GRIN3A: variants seen among roughly 807,000 people sequenced by gnomAD.
GRIN3A encodes the protein glutamate receptor ionotropic, NMDA 3A.
A neutral mutation model predicts 92.4 loss-of-function variants in GRIN3A; 47 were observed. That is an observed-to-expected ratio of 0.51 (90% CI 0.40 to 0.65). The LOEUF (loss-of-function observed/expected upper bound fraction) is 0.65. GRIN3A is among the 30% of genes least tolerant of loss of function. The pLI, the probability that GRIN3A is intolerant of heterozygous loss-of-function variation, is 0.00. For missense variants in GRIN3A, 1,324 were observed against 1,393.1 expected, an observed-to-expected ratio of 0.95 and a Z score of 0.79; for synonymous variants, 527 against 540.6, an observed-to-expected ratio of 0.97 and a Z score of 0.35.
At chr9:101,577,028 C>T (rs1827835019) in intron 8 of GRIN3A, among the ~76,000 whole-genome samples, 1 of 152,178 alleles carries the variant, frequency 6.6e-6, no homozygotes, top group Non-Finnish European at 1.5e-5. Flanking sequence ...GTGCTTCTGA[C>T]ATCTTTAGTC....
At chr9:101,727,501 A>G (rs1437804002) in intron 1 of GRIN3A, among the ~76,000 whole-genome samples, 1 of 152,188 alleles carries the variant, frequency 6.6e-6, no homozygotes, top group Admixed American at 6.5e-5. Flanking sequence ...CTTATGAATG[A>G]AAGTGACAGC....
At position 101,594,564 on chromosome 9, in the gene GRIN3A, C is replaced by T. The variant is rs536109611; in HGVS notation, c.2767-15204G>A. The T allele has an allele frequency of 6.2e-7, 1 of 1,614,152 alleles. No homozygotes were observed. Among genetic ancestry groups the T allele is most frequent in the East Asian group, 2.2e-5 (1 of 44,872 alleles). ...TGCCAGTCCGTCAGGTTGTTGCCCA[C>T]CATCATCTTCAGCACCTGGAAGAGC... On this transcript the variant is annotated intron_variant, in intron 6 of 8. Transcript: ENST00000361820.
chr9:101,633,234 G>T (rs983024760), intron 3 of GRIN3A, among the ~76,000 whole-genome samples: 7 of 152,220 alleles, frequency 4.6e-5, no homozygotes, highest in African/African-American at 1.7e-4. Context: ...ACCCATCTGA[G>T]ATTAGTACTT....
intron 6 of GRIN3A, chr9:101,594,571 C>A: frequency 6.2e-7 from 1 of 1,614,214 alleles, no homozygotes; most frequent in Non-Finnish European, 8.5e-7. Flanking sequence ...CCACCATCAT[C>A]TTCAGCACCT....
At position 101,737,735 on chromosome 9, in the gene GRIN3A, T is replaced by C; in HGVS notation, c.245A>G (p.Glu82Gly). 2.0e-6 allele frequency: 3 copies of C among 1,527,420 alleles called. No homozygotes were observed. Among genetic ancestry groups the C allele is most frequent in the Non-Finnish European group, 2.6e-6 (3 of 1,143,274 alleles). The allele number at this position is 1,527,420 out of a possible 1,614,324, so 94.6% of individuals were successfully genotyped here. ...CGCCGGGGACCGCCTAGTCCCTGGC[T>C]CCGGCTCATCCCTCTGGGCTCCTGC... ...SRAGAQRDEP[E>G]PGTRRSPAPS... Residue 82 changes from glutamate to glycine, a missense_variant, in exon 1 of 9, where the codon GAG (glutamate) becomes GGG (glycine). Physicochemically the swap from Glu to Gly is moderately conservative, Grantham distance 98. Coordinates refer to ENST00000361820, the MANE Select transcript of GRIN3A (RefSeq NM_133445.3).
At chr9:101,623,808 C>A (rs925874280) in intron 4 of GRIN3A, among the ~76,000 whole-genome samples, 2 of 152,114 alleles carry the variant, frequency 1.3e-5, no homozygotes, top group African/African-American at 4.8e-5. Context: ...TTCTCTATAC[C>A]TTTTATCACT....
chr9:101,684,270 ATTTTTTT>A (rs3082771), intron 2 of GRIN3A, among the ~76,000 whole-genome samples: 964 of 87,110 alleles, frequency 0.011, 18 homozygotes, highest in African/African-American at 0.044. Context: ...TGCTTAGCTA[ATTTTTTT>A]TTTTTTTTTT....
chr9:101,620,272 G>A (rs1414774044), intron 5 of GRIN3A, among the ~76,000 whole-genome samples: 2 of 152,220 alleles, frequency 1.3e-5, no homozygotes, highest in Non-Finnish European at 2.9e-5. Context: ...ATGGTGCCAT[G>A]TAGCTAGGTC....
chr9:101,671,040 T>G lies in GRIN3A; in HGVS notation c.1372A>C (p.Ser458Arg). 6.2e-7 allele frequency: 1 copy of G among 1,613,966 alleles called. No homozygotes were observed. The highest frequency in any genetic ancestry group is 8.5e-7 in the Non-Finnish European group (1 of 1,179,882). Residue 458 changes from serine (S) to arginine (R), a missense_variant, in exon 3 of 9, where the codon AGC becomes CGC. By Grantham distance (110) the Ser-to-Arg change is moderately radical (BLOSUM62 -1). Transcript: ENST00000361820. ...CAGATGAAAAAGTTGTTTTCTGAGC[T>G]GACGATGGTGGAACCTTTTACTCTG... is the stretch of plus-strand genomic sequence containing the variant. ...SIRVKGSTIV[S>R]SENNFFIWNL...
At chr9:101,598,219 T>A (rs1828165069) in intron 6 of GRIN3A, among the ~76,000 whole-genome samples, 1 of 152,208 alleles carries the variant, frequency 6.6e-6, no homozygotes, top group Admixed American at 6.5e-5. Flanking sequence ...ATGAATGAGT[T>A]GTTTTACACT....
At chr9:101,592,522 A>G (rs900095441) in intron 6 of GRIN3A, 3 of 152,198 alleles carry the variant, frequency 2.0e-5, no homozygotes, top group East Asian at 1.9e-4. Context: ...AGTGAGTGTG[A>G]TAACAACCCA....
chr9:101,683,210 CAT>C (rs1268859705), intron 2 of GRIN3A, among the ~76,000 whole-genome samples: 4 of 152,092 alleles, frequency 2.6e-5, no homozygotes, highest in South Asian at 2.1e-4. Flanking sequence ...CTGAAAATGC[CAT>C]GTTTTTGGTG....
In GRIN3A at chr9:101,687,251, T is replaced by A. The variant is rs556419174; in HGVS notation, c.700-51A>T. On this transcript the variant is annotated intron_variant, in intron 1 of 8. Transcript: ENST00000361820. ...GAATTAGAAAGCATTGGCCAAAGACTTTAACATAGGGTACTTTTGCTTTCT... is the reference window on the plus strand; with the variant it reads ...GAATTAGAAAGCATTGGCCAAAGACATTAACATAGGGTACTTTTGCTTTCT... 6.3e-6 allele frequency: 10 copies of A among 1,589,394 alleles called. No individual in the cohort carries two copies. The Admixed American group carries it at 1.7e-4, about 26-fold the overall frequency.
At chr9:101,585,762 C>T (rs1056611269) in intron 6 of GRIN3A, among the ~76,000 whole-genome samples, 1 of 152,196 alleles carries the variant, frequency 6.6e-6, no homozygotes, top group East Asian at 1.9e-4. Context: ...ATTGAGACAG[C>T]CTCCTAGTTG....
chr9:101,578,087 A>G (rs1313755782), intron 7 of GRIN3A, among the ~76,000 whole-genome samples: 1 of 152,224 alleles, frequency 6.6e-6, no homozygotes, highest in Non-Finnish European at 1.5e-5. Flanking sequence ...AAAGCTCAGT[A>G]TTATAAAACG....
intron 6 of GRIN3A, chr9:101,594,825 C>G: frequency 6.2e-7 from 1 of 1,610,894 alleles, no homozygotes; most frequent in Non-Finnish European, 8.5e-7. Context: ...CCTGATTTGT[C>G]CAAGTCCAAC....
In GRIN3A at chr9:101,670,456, G is replaced by C; in HGVS notation, c.1956C>G (p.Ser652Arg). The change falls in exon 3 of 9, where the codon AGC becomes AGG. Residue 652 changes from serine to arginine, a missense_variant. Ser to Arg is a moderately radical substitution (Grantham distance 110). Transcript: ENST00000361820. Reference sequence around the variant, plus strand: ...CTCGGGTCCTCACTAAGATGCCCAAGCTGGTGGAGAAGAAAGGGCTGGTGA... The same window carrying C: ...CTCGGGTCCTCACTAAGATGCCCAACCTGGTGGAGAAGAAAGGGCTGGTGA... ...IDFTSPFFST[S>R]LGILVRTRDT... is the part of the protein sequence containing the mutation. 1 of 1,614,008 alleles carries C rather than the reference G, an allele frequency of 6.2e-7. No homozygotes were observed. Among genetic ancestry groups the C allele is most frequent in the Non-Finnish European group, 8.5e-7 (1 of 1,179,954 alleles).
chr9:101,607,550 G>A (rs543592171), intron 6 of GRIN3A, among the ~76,000 whole-genome samples: 13 of 152,250 alleles, frequency 8.5e-5, no homozygotes, highest in South Asian at 2.1e-4. Flanking sequence ...ACTCCACCCC[G>A]TGAGCAGGGA....
In GRIN3A at chr9:101,634,372, G is replaced by T. The variant is rs187645306; in HGVS notation, c.2353-5971C>A. Among the ~76,000 whole-genome samples, 664 of 149,514 alleles carry T rather than the reference G, an allele frequency of 4.4e-3. 8 individuals carry two copies. The highest frequency in any genetic ancestry group is 0.013 in the African/African-American group (548 of 40,906). ...AAAAAAGAAAATTACTCCTTTTGAG[G>T]CATAGCTTCTGTAAATGAAAGGTGA... is the stretch of plus-strand genomic sequence containing the variant. On this transcript the variant is annotated intron_variant, in intron 3 of 8. Transcript: ENST00000361820.
Sources: allele counts gnomAD v4.1 joint callset (sites outside exome capture counted in the v4.1 genomes callset), GRCh38; gene constraint gnomAD v4.1.1; transcripts MANE v1.5; gene names NCBI Gene and HGNC (gene_info 2026-07-23, HGNC 2026-07-21).